The following FBXL2 variants were observed in gnomAD, a reference collection of about 807,000 sequenced individuals.
The protein encoded by FBXL2 is F-box/LRR-repeat protein 2.
In FBXL2, 38 loss-of-function variants were observed where a neutral mutation model predicts 69.2. The observed-to-expected ratio is 0.55, with a 90% CI of 0.42 to 0.72. The LOEUF is 0.72. Ranked by LOEUF, FBXL2 falls within the 30% of genes least tolerant of loss-of-function variation. FBXL2 has a pLI of 0.00. For synonymous variants in FBXL2, 192 were observed against 201.3 expected, an observed-to-expected ratio of 0.95 and a Z score of 0.39; for missense variants, 354 against 520.3, an observed-to-expected ratio of 0.68 and a Z score of 3.11.
chr3:33,279,646 C>T (rs2033748758), intron 1 of FBXL2, among the ~76,000 whole-genome samples: 1 of 152,186 alleles, frequency 6.6e-6, no homozygotes, highest in South Asian at 2.1e-4. Context: ...ATATAAATGA[C>T]TTGGCACATT....
At chr3:33,358,413 T>C (rs1205060802) in intron 2 of FBXL2, among the ~76,000 whole-genome samples, 5 of 152,236 alleles carry the variant, frequency 3.3e-5, no homozygotes, top group African/African-American at 9.6e-5. Context: ...TGTTTGCTTC[T>C]GTCTGCTTTT....
intron 10 of FBXL2, 93 bp downstream of exon 10, chr3:33,375,511 T>C (rs991950790): frequency 1.4e-6 from 2 of 1,441,108 alleles, no homozygotes; most frequent in African/African-American, 1.4e-5. Flanking sequence ...TGCCAGGTAG[T>C]GGTGGTGGAG....
chr3:33,289,922 A>C (rs1481354940), intron 1 of FBXL2: 1 of 307,056 alleles, frequency 3.3e-6, no homozygotes, highest in African/African-American at 2.3e-5. Flanking sequence ...CAAGACAGCT[A>C]AGAAATCTCT....
chr3:33,414,580 G>A, the FBXL2 span, among the ~76,000 whole-genome samples: 1 of 152,136 alleles, frequency 6.6e-6, no homozygotes, highest in Non-Finnish European at 1.5e-5. Flanking sequence ...TATAGTCAAA[G>A]ATCCTAGGGC....
intron 13 of FBXL2, among the ~76,000 whole-genome samples, chr3:33,382,031 A>G (rs1312342469): frequency 6.6e-6 from 1 of 152,150 alleles, no homozygotes; most frequent in Non-Finnish European, 1.5e-5. Flanking sequence ...TTCTAGCAGT[A>G]GTTTCTAGTT....
chr3:33,373,551 A>T, intron 7 of FBXL2, 27 bp from the exon 8 acceptor site: 2 of 1,614,098 alleles, frequency 1.2e-6, no homozygotes, highest in Non-Finnish European at 1.7e-6. Context: ...GAGACTGCAC[A>T]TAAGTTTTTG....
intron 2 of FBXL2, among the ~76,000 whole-genome samples, chr3:33,309,538 G>T (rs2037005277): frequency 6.7e-6 from 1 of 149,334 alleles, no homozygotes; most frequent in Non-Finnish European, 1.5e-5. Flanking sequence ...CATATAGTTG[G>T]GTCTTTAAAA....
At chr3:33,303,927 A>G (rs2036500214) in intron 2 of FBXL2, among the ~76,000 whole-genome samples, 1 of 151,992 alleles carries the variant, frequency 6.6e-6, no homozygotes, top group South Asian at 2.1e-4. Flanking sequence ...ATAAGATATT[A>G]CCCAAAAGTT....
At chr3:33,346,476 T>A (rs1389478643) in intron 2 of FBXL2, among the ~76,000 whole-genome samples, 1 of 151,934 alleles carries the variant, frequency 6.6e-6, no homozygotes, top group African/African-American at 2.4e-5. Context: ...GGAGGATCCC[T>A]TGAGCCCAGG....
chr3:33,282,601 G>C (rs536247205), intron 1 of FBXL2, among the ~76,000 whole-genome samples: 1 of 152,314 alleles, frequency 6.6e-6, no homozygotes, highest in East Asian at 1.9e-4. Flanking sequence ...TTGGTAGCTT[G>C]ATGGGGATGG....
chr3:33,417,041 C>G, the FBXL2 span, among the ~76,000 whole-genome samples: 1 of 152,186 alleles, frequency 6.6e-6, no homozygotes, highest in Non-Finnish European at 1.5e-5. Context: ...ACAAGAGTTT[C>G]TCTGTCAATT....
intron 1 of FBXL2, among the ~76,000 whole-genome samples, chr3:33,283,364 A>C (rs191307022): frequency 2.6e-5 from 4 of 152,302 alleles, no homozygotes; most frequent in Non-Finnish European, 4.4e-5. Flanking sequence ...TGATTTGTGT[A>C]TGTTGAACCA....
intron 14 of FBXL2, among the ~76,000 whole-genome samples, 170 bp from the exon 15 acceptor site, chr3:33,385,331 G>C (rs1029635103): frequency 6.6e-6 from 1 of 152,136 alleles, no homozygotes; most frequent in African/African-American, 2.4e-5. Context: ...GGTACTAATG[G>C]GGGGCAGACG....
At chr3:33,342,469 A>T (rs746949703) in intron 2 of FBXL2, among the ~76,000 whole-genome samples, 3 of 151,540 alleles carry the variant, frequency 2.0e-5, no homozygotes, top group Non-Finnish European at 4.4e-5. Context: ...TTTAACCAAA[A>T]TTCCTCAATT....
intron 12 of FBXL2, among the ~76,000 whole-genome samples, chr3:33,398,834 C>T (rs2044112158): frequency 6.6e-6 from 1 of 152,198 alleles, no homozygotes; most frequent in Admixed American, 6.5e-5. Context: ...ATCTGCCTTC[C>T]ATACAACAGT....
At chr3:33,299,693 C>T (rs1418408596) in intron 2 of FBXL2, among the ~76,000 whole-genome samples, 1 of 152,046 alleles carries the variant, frequency 6.6e-6, no homozygotes, top group African/African-American at 2.4e-5. Flanking sequence ...ACACTGTTGT[C>T]ATGAGCTCCT....
chr3:33,399,821 C>T (rs1489614053), intron 12 of FBXL2, among the ~76,000 whole-genome samples: 1 of 151,768 alleles, frequency 6.6e-6, no homozygotes, highest in Non-Finnish European at 1.5e-5. Flanking sequence ...ATGTGAGAAA[C>T]GGAGTGAAGA....
In FBXL2 at chr3:33,383,971, C is replaced by A; in HGVS notation, c.952-18C>A. 1 of 1,611,406 alleles carries A rather than the reference C, an allele frequency of 6.2e-7. No individual in the cohort carries two copies. Among genetic ancestry groups the A allele is most frequent in the South Asian group, 1.1e-5 (1 of 90,936 alleles). ...AATAAGGGTCCTGCAAACATTTACT[C>A]ATGTCTTCCTGTTCCAGAGCCTGTC... On this transcript the variant is annotated intron_variant, in intron 13 of 14. Transcript: ENST00000484457.
the FBXL2 span, among the ~76,000 whole-genome samples, chr3:33,410,045 T>A: frequency 6.6e-6 from 1 of 152,204 alleles, no homozygotes; most frequent in African/African-American, 2.4e-5. Flanking sequence ...CAGCCAACTA[T>A]CTTACTGCTG....
Sources: allele counts gnomAD v4.1 joint callset (sites outside exome capture counted in the v4.1 genomes callset), GRCh38; gene constraint gnomAD v4.1.1; transcripts MANE v1.5; gene names NCBI Gene and HGNC (gene_info 2026-07-23, HGNC 2026-07-21).